The following HORMAD1 variants were observed in gnomAD, a reference collection of about 807,000 sequenced individuals.
HORMAD1 encodes the protein HORMA domain containing 1.
In HORMAD1, 33 loss-of-function variants were observed where a neutral mutation model predicts 58.2. The ratio of observed to expected loss-of-function variants is 0.57; its 90% CI spans 0.43 to 0.76. HORMAD1 has a LOEUF of 0.76. Among genes scored for constraint, HORMAD1 ranks in the 30% least tolerant of loss-of-function variants. HORMAD1 has a pLI of 0.00. For synonymous variants in HORMAD1, 137 were observed against 144.6 expected (o/e 0.95, Z 0.38); for missense variants, 363 against 462.0 (o/e 0.79, Z 1.96).
rs1397790407 is a variant in HORMAD1, at chr1:150,706,650, A to G, written c.707T>C (p.Ile236Thr). Reference sequence around the variant, plus strand: ...TTTTGGTGATAGTATAGTTGAGTCAATATTTTCCATTCGTTCTCTCTCAGT... The same window carrying G: ...TTTTGGTGATAGTATAGTTGAGTCAGTATTTTCCATTCGTTCTCTCTCAGT... ...VTTERERMEN[I>T]DSTILSPKQI... is the part of the protein sequence containing the mutation. Residue 236 changes from isoleucine (I) to threonine (T), a missense_variant, in exon 10 of 15, where the codon ATT becomes ACT. Coordinates refer to ENST00000361824, the MANE Select transcript of HORMAD1 (RefSeq NM_032132.5). The G allele has an allele frequency of 6.8e-6, 11 of 1,613,354 alleles. No individual in the cohort carries two copies. In the Admixed American group the frequency reaches 1.5e-4, roughly 22 times the overall value.
intron 9 of HORMAD1, 55 bp from the exon 10 acceptor site, chr1:150,706,864 T>C (rs773374274): frequency 7.1e-7 from 1 of 1,416,476 alleles, no homozygotes; most frequent in East Asian, 2.5e-5. Context: ...AAAATATAAT[T>C]ATTATTATAA....
At chr1:150,710,272 T>C (rs1461906194) in intron 7 of HORMAD1, among the ~76,000 whole-genome samples, 1 of 152,066 alleles carries the variant, frequency 6.6e-6, no homozygotes, top group Non-Finnish European at 1.5e-5. Context: ...GCAACATACC[T>C]CAGCAGAGTG....
At chr1:150,708,492 T>C in intron 8 of HORMAD1, 85 bp from the exon 9 acceptor site, 1 of 849,224 alleles carries the variant, frequency 1.2e-6, no homozygotes, top group Non-Finnish European at 1.7e-6. Flanking sequence ...TTTGAGATTC[T>C]TATTTCTATT....
intron 5 of HORMAD1, among the ~76,000 whole-genome samples, chr1:150,712,063 T>C (rs1050404476): frequency 4.6e-5 from 7 of 152,180 alleles, no homozygotes; most frequent in Non-Finnish European, 8.8e-5. Context: ...CTAAAATTAC[T>C]GATGATTGAA....
In HORMAD1 at chr1:150,719,643, ATTTC is replaced by A. The variant is rs1421591041; in HGVS notation, c.-33-109_-33-106del. ...AACAATTTTATGTGAATAAATTTGA[ATTTC>A]TTTAATTAAAATAGAGTCTTCAAAA... is the stretch of plus-strand genomic sequence containing the variant. On this transcript the variant is annotated intron_variant, in intron 1 of 14. Coordinates refer to ENST00000361824, the MANE Select transcript of HORMAD1 (RefSeq NM_032132.5). 5.6e-6 allele frequency: 3 copies of A among 540,022 alleles called. No homozygotes were observed. In the Admixed American group the frequency reaches 1.1e-4, roughly 21 times the overall value. The allele number at this position is 540,022 out of a possible 1,614,324, so 33.5% of individuals were successfully genotyped here.
intron 7 of HORMAD1, among the ~76,000 whole-genome samples, chr1:150,710,092 C>T (rs1369051517): frequency 2.0e-5 from 3 of 152,092 alleles, no homozygotes; most frequent in African/African-American, 4.8e-5. Context: ...TGCTGAGCGC[C>T]GGTCCCCTGG....
chr1:150,707,679 T>C lies in HORMAD1; in HGVS notation c.547+577A>G, dbSNP rs112210265. Reference sequence around the variant, plus strand: ...AGCCGGGTGCTGTGGCTCACGCCTGTTATTCCAGTACTTTGGGAGGCCAAA... The same window carrying C: ...AGCCGGGTGCTGTGGCTCACGCCTGCTATTCCAGTACTTTGGGAGGCCAAA... On this transcript the variant is annotated intron_variant, in intron 9 of 14. Coordinates refer to ENST00000361824, the MANE Select transcript of HORMAD1 (RefSeq NM_032132.5). Among the ~76,000 whole-genome samples, 1,225 of 152,354 alleles carry C rather than the reference T, an allele frequency of 8.0e-3. 9 individuals carry two copies. Among genetic ancestry groups the C allele is most frequent in the Non-Finnish European group, 0.011 (733 of 68,036 alleles).
At chr1:150,710,884 T>C (rs1234598377) in intron 7 of HORMAD1, among the ~76,000 whole-genome samples, 1 of 152,208 alleles carries the variant, frequency 6.6e-6, no homozygotes, top group Admixed American at 6.5e-5. Flanking sequence ...CTGGCCTTCC[T>C]AGGTTCAAAA....
At chr1:150,714,854 C>T (rs1036370670) in intron 3 of HORMAD1, among the ~76,000 whole-genome samples, 176 bp from the exon 4 acceptor site, 3 of 152,026 alleles carry the variant, frequency 2.0e-5, no homozygotes, top group Middle Eastern at 3.2e-3. Context: ...GACATGATCT[C>T]GGCTCACTGG....
intron 6 of HORMAD1, 21 bp from the exon 7 acceptor site, chr1:150,711,592 A>G (rs1331883720): frequency 1.9e-6 from 3 of 1,577,546 alleles, no homozygotes; most frequent in African/African-American, 2.7e-5. Context: ...ACAATTTACA[A>G]TTGAGTTATC....
rs999412747 is a variant in HORMAD1 at position 150,717,760 on chromosome 1, T to A, written c.34-478A>T. Among the ~76,000 whole-genome samples, 5 of 152,036 alleles carry A rather than the reference T, an allele frequency of 3.3e-5. No homozygotes were observed. The East Asian group carries it at 9.7e-4, about 29-fold the overall frequency. On this transcript the variant is annotated intron_variant, in intron 2 of 14. Transcript: ENST00000361824. ...AGCCTGGCCAAATGGTGAAACCCTG[T>A]CTCTACTAAAAATACAAAAATTAGC...
chr1:150,710,824 C>CGTTATAGCT (rs1275116179), intron 7 of HORMAD1, among the ~76,000 whole-genome samples: 1 of 152,146 alleles, frequency 6.6e-6, no homozygotes, highest in Non-Finnish European at 1.5e-5. Context: ...CTGAATGAAA[C>CGTTATAGCT]GTTATATTGT....
chr1:150,708,589 T>G (rs1477674014), intron 8 of HORMAD1, among the ~76,000 whole-genome samples, 182 bp from the exon 9 acceptor site: 2 of 152,202 alleles, frequency 1.3e-5, no homozygotes, highest in Non-Finnish European at 2.9e-5. Context: ...CTAGAAATAA[T>G]AACTTAATTT....
chr1:150,705,681 A>T (rs1489926700), intron 10 of HORMAD1, among the ~76,000 whole-genome samples: 1 of 152,230 alleles, frequency 6.6e-6, no homozygotes, highest in African/African-American at 2.4e-5. Flanking sequence ...TATTTTAAAG[A>T]ATGCTACAAA....
At chr1:150,717,649 T>C (rs2101890666) in intron 2 of HORMAD1, among the ~76,000 whole-genome samples, 1 of 152,296 alleles carries the variant, frequency 6.6e-6, no homozygotes, top group African/African-American at 2.4e-5. Flanking sequence ...TAAAAAAGTA[T>C]AGGCCGGGTG....
chr1:150,719,892 A>T (rs1289182805), intron 1 of HORMAD1, among the ~76,000 whole-genome samples: 2 of 152,138 alleles, frequency 1.3e-5, no homozygotes, highest in African/African-American at 4.8e-5. Context: ...CAAACCCTCT[A>T]AACTTTTTCA....
At chr1:150,706,891 C>A in intron 9 of HORMAD1, 82 bp from the exon 10 acceptor site, 1 of 1,180,276 alleles carries the variant, frequency 8.5e-7, no homozygotes, top group Non-Finnish European at 1.2e-6. Context: ...ACGCAGATTG[C>A]AGGTATTTCA....
intron 3 of HORMAD1, among the ~76,000 whole-genome samples, chr1:150,716,138 C>T (rs1227921741): frequency 7.1e-6 from 1 of 141,702 alleles, no homozygotes; most frequent in Non-Finnish European, 1.5e-5. Context: ...GAAAGCCAGT[C>T]ACAAAGGACC....
chr1:150,719,527 C>A lies in HORMAD1; in HGVS notation c.-22G>T. On this transcript the variant is annotated 5_prime_UTR_variant, in exon 2 of 15. Transcript: ENST00000361824. ...CCATCTTCTTCTGATAAAGTATTTT[C>A]TTTAATTCAACCTTGTGACACAAAT... is the stretch of plus-strand genomic sequence containing the variant. 1 of 1,559,600 alleles carries A rather than the reference C, an allele frequency of 6.4e-7. No individual in the cohort carries two copies. The highest frequency in any genetic ancestry group is 8.7e-7 in the Non-Finnish European group (1 of 1,147,652).
Sources: allele counts gnomAD v4.1 joint callset (sites outside exome capture counted in the v4.1 genomes callset), GRCh38; gene constraint gnomAD v4.1.1; transcripts MANE v1.5; gene names NCBI Gene and HGNC (gene_info 2026-07-23, HGNC 2026-07-21).